USP12: variants seen among roughly 807,000 people sequenced by gnomAD.
USP12 encodes ubiquitin carboxyl-terminal hydrolase 12.
A neutral mutation model predicts 45.5 loss-of-function variants in USP12; 19 were observed. The observed-to-expected ratio is 0.42, with a 90% CI of 0.29 to 0.61. USP12 has a LOEUF of 0.61. Among genes scored for constraint, USP12 ranks in the 20% least tolerant of loss-of-function variants. The pLI is 0.22. For synonymous variants in USP12, 149 were observed against 148.8 expected, an observed-to-expected ratio of 1.00 and a Z score of -0.01; for missense variants, 242 against 447.7, an observed-to-expected ratio of 0.54 and a Z score of 4.15.
intron 1 of USP12, among the ~76,000 whole-genome samples, chr13:27,125,987 C>A (rs568513081): frequency 6.6e-6 from 1 of 152,258 alleles, no homozygotes. Context: ...CTGGGCGGAG[C>A]CCACCACAGC....
chr13:27,170,349 A>C (rs1462780172), intron 1 of USP12: 3 of 398,506 alleles, frequency 7.5e-6, no homozygotes, highest in African/African-American at 4.1e-5. Context: ...AAATATATAC[A>C]ATGTACCACC....
At chr13:27,088,343 GA>G (rs1168043171) in intron 6 of USP12, among the ~76,000 whole-genome samples, 3 of 145,664 alleles carry the variant, frequency 2.1e-5, no homozygotes, top group Admixed American at 1.4e-4. Flanking sequence ...GTGAATCCGG[GA>G]AGGCGGAGCT....
rs565664779 is a variant in USP12, at chr13:27,105,683, T to C, written c.343+48A>G. ...TAAGTGCTGGAATTATGGCACACTATATTTAACCTTCCTAGTATGTCATTA... is the reference window on the plus strand; with the variant it reads ...TAAGTGCTGGAATTATGGCACACTACATTTAACCTTCCTAGTATGTCATTA... On this transcript the variant is annotated intron_variant, in intron 3 of 8. Coordinates refer to ENST00000282344, the MANE Select transcript of USP12 (RefSeq NM_182488.4). 22 of 1,553,766 alleles carry C rather than the reference T, an allele frequency of 1.4e-5. No homozygotes were observed. The South Asian group carries it at 2.4e-4, about 17-fold the overall frequency.
chr13:27,166,179 C>T (rs1878337565), intron 1 of USP12, among the ~76,000 whole-genome samples: 1 of 152,168 alleles, frequency 6.6e-6, no homozygotes. Flanking sequence ...TCTGGTCCAA[C>T]TGCTCTTTTC....
rs1382866945 is a variant in USP12, at chr13:27,075,998, C to CAGGCTGAGAT, written c.735-611_735-610insATCTCAGCCT. On this transcript the variant is annotated intron_variant, in intron 6 of 8. Coordinates refer to ENST00000282344, the MANE Select transcript of USP12 (RefSeq NM_182488.4). ...TGAGCTGAGATCACGCCACTGCACT[C>CAGGCTGAGAT]CAGCCTGGGTGACAGAGCAAGGCTC... Among the ~76,000 whole-genome samples the CAGGCTGAGAT allele has an allele frequency of 3.2e-3, 462 of 144,958 alleles. 2 individuals are homozygous for CAGGCTGAGAT. The highest frequency in any genetic ancestry group is 0.011 in the African/African-American group (429 of 38,744).
At chr13:27,126,347 T>A (rs1316243350) in intron 1 of USP12, among the ~76,000 whole-genome samples, 1 of 151,992 alleles carries the variant, frequency 6.6e-6, no homozygotes, top group Non-Finnish European at 1.5e-5. Context: ...GGGTCTGGAG[T>A]GGACCTCCAG....
chr13:27,154,843 A>G (rs970149615), intron 1 of USP12, among the ~76,000 whole-genome samples: 1 of 152,098 alleles, frequency 6.6e-6, no homozygotes, highest in South Asian at 2.1e-4. Context: ...GAAAGAGGGA[A>G]GCAGGACAGT....
chr13:27,164,385 C>G (rs1878255484), intron 1 of USP12, among the ~76,000 whole-genome samples: 1 of 152,170 alleles, frequency 6.6e-6, no homozygotes, highest in African/African-American at 2.4e-5. Flanking sequence ...ATAAAGCAAG[C>G]TTACACATCT....
chr13:27,104,231 T>C (rs188559797), intron 3 of USP12, among the ~76,000 whole-genome samples: 11 of 152,282 alleles, frequency 7.2e-5, no homozygotes, highest in Middle Eastern at 3.4e-3. Context: ...AGGTCTTGCT[T>C]TGCTGCTGAG....
rs149879406 is a variant in USP12 at position 27,138,455 on chromosome 13, C to T, written c.49-21859G>A. On this transcript the variant is annotated intron_variant, in intron 1 of 8. Transcript: ENST00000282344. ...ATGGTGTATCCCCTGTATCGCCCTC[C>T]AGAAAACACCTTTTATAGAGCAAGC... 3.7e-3 allele frequency among the ~76,000 whole-genome samples: 562 copies of T among 152,296 alleles called. 6 individuals carry two copies. The highest frequency in any genetic ancestry group is 4.7e-3 in the Non-Finnish European group (317 of 68,024).
At chr13:27,149,033 C>T (rs1016012560) in intron 1 of USP12, among the ~76,000 whole-genome samples, 2 of 151,364 alleles carry the variant, frequency 1.3e-5, no homozygotes, top group African/African-American at 4.9e-5. Context: ...AAATACAAAA[C>T]ATTAGCCAGG....
chr13:27,090,350 T>A (rs1874254570), intron 4 of USP12, among the ~76,000 whole-genome samples, 192 bp from the exon 5 acceptor site: 1 of 152,174 alleles, frequency 6.6e-6, no homozygotes, highest in Non-Finnish European at 1.5e-5. Context: ...GATGTATAAA[T>A]AAAACACCAA....
At chr13:27,155,078 T>A (rs1877762024) in intron 1 of USP12, among the ~76,000 whole-genome samples, 1 of 82,668 alleles carries the variant, frequency 1.2e-5, no homozygotes, top group Admixed American at 1.2e-4. Flanking sequence ...TTTTTTTTTT[T>A]TTTTTTTTTT....
chr13:27,076,081 G>GACAA (rs1445743269), intron 6 of USP12, among the ~76,000 whole-genome samples: 2 of 149,470 alleles, frequency 1.3e-5, no homozygotes, highest in Non-Finnish European at 3.0e-5. Flanking sequence ...TCTTGAAACT[G>GACAA]ACAATTCCTT....
At chr13:27,152,054 A>G (rs1877591280) in intron 1 of USP12, among the ~76,000 whole-genome samples, 1 of 152,222 alleles carries the variant, frequency 6.6e-6, no homozygotes, top group South Asian at 2.1e-4. Flanking sequence ...CACTGTTGGC[A>G]GGAACATAAA....
At position 27,067,507 on chromosome 13, in the gene USP12, T is replaced by C. The variant is rs569598499; in HGVS notation, c.*1776A>G. The C allele has an allele frequency of 7.0e-4, 107 of 152,288 alleles. No individual in the cohort carries two copies. Among genetic ancestry groups the C allele is most frequent in the African/African-American group, 2.4e-3 (100 of 41,566 alleles). 9.4% of individuals were successfully genotyped at this position (152,288 alleles called of 1,614,324 possible). ...AAAAAGAAACTTGTCAAAATACTTT[T>C]TGATATTTTGTACAAATACTAAATA... On this transcript the variant is annotated 3_prime_UTR_variant, in exon 9 of 9. Transcript: ENST00000282344.
At chr13:27,096,716 C>T (rs544945858) in intron 3 of USP12, among the ~76,000 whole-genome samples, 4 of 152,158 alleles carry the variant, frequency 2.6e-5, no homozygotes, top group Middle Eastern at 3.2e-3. Context: ...ATGCCACACA[C>T]AAAGTAATGC....
At chr13:27,143,232 T>A (rs1317458734) in intron 1 of USP12, among the ~76,000 whole-genome samples, 1 of 152,062 alleles carries the variant, frequency 6.6e-6, no homozygotes, top group African/African-American at 2.4e-5. Context: ...AACTAAACAC[T>A]GAATAAATAA....
At chr13:27,108,900 C>T (rs2137789890) in intron 2 of USP12, among the ~76,000 whole-genome samples, 1 of 152,212 alleles carries the variant, frequency 6.6e-6, no homozygotes, top group Admixed American at 6.5e-5. Flanking sequence ...AAGATGGTAC[C>T]ACTGTACTCG....
Sources: allele counts gnomAD v4.1 joint callset (sites outside exome capture counted in the v4.1 genomes callset), GRCh38; gene constraint gnomAD v4.1.1; transcripts MANE v1.5; gene names NCBI Gene and HGNC (gene_info 2026-07-23, HGNC 2026-07-21).